FARP2: variants seen among roughly 807,000 people sequenced by gnomAD.
FARP2 encodes the protein FERM, ARH/RhoGEF and pleckstrin domain protein 2.
Under a neutral mutation model 130.5 loss-of-function variants are expected in FARP2, and 111 were observed. The observed-to-expected ratio is 0.85, with a 90% CI of 0.73 to 1.00. The LOEUF (loss-of-function observed/expected upper bound fraction) is 1.00, where lower values mean the gene tolerates loss of function less well. Ranked by LOEUF, FARP2 falls within the 50% of genes least tolerant of loss-of-function variation. The probability of loss-of-function intolerance (pLI) is 0.00; values close to 1 mark genes in which losing one functional copy is unlikely to be tolerated. For missense variants in FARP2, 1,385 were observed against 1,346.3 expected, an observed-to-expected ratio of 1.03 and a Z score of -0.45; for synonymous variants, 504 against 516.9, an observed-to-expected ratio of 0.98 and a Z score of 0.34.
rs533193274 is a variant in FARP2, at chr2:241,468,327, G to A, written c.2081G>A (p.Arg694His). 16 of 1,613,500 alleles carry A rather than the reference G, an allele frequency of 9.9e-6. No homozygotes were observed. Among genetic ancestry groups the A allele is most frequent in the South Asian group, 2.2e-5 (2 of 91,086 alleles). Residue 694 changes from arginine (R) to histidine (H), a missense_variant, in exon 18 of 27, where the codon CGC becomes CAC. Coordinates refer to ENST00000264042, the MANE Select transcript of FARP2 (RefSeq NM_014808.4). ...CTGCACTACCGCCTGCTGCTGCGCC[G>A]CCTATGCGGACATTACAGCCCCGGG... is the stretch of plus-strand genomic sequence containing the variant. ...RLLHYRLLLR[R>H]LCGHYSPGHH...
chr2:241,403,058 G>A (rs1245480864), intron 2 of FARP2, among the ~76,000 whole-genome samples: 4 of 148,024 alleles, frequency 2.7e-5, no homozygotes, highest in Non-Finnish European at 6.0e-5. Context: ...GGGAGAGTCC[G>A]TTGCCCCACC....
chr2:241,408,609 T>A (rs1169622128), intron 5 of FARP2, among the ~76,000 whole-genome samples: 1 of 152,112 alleles, frequency 6.6e-6, no homozygotes, highest in Non-Finnish European at 1.5e-5. Flanking sequence ...AAGGTTTTTC[T>A]TTGTATTTTT....
chr2:241,402,851 TATATATATATATATATATATATATATA>T (rs2062212077), intron 2 of FARP2, among the ~76,000 whole-genome samples: 1 of 9,674 alleles, frequency 1.0e-4, no homozygotes, highest in African/African-American at 3.5e-4. Flanking sequence ...TATATATATA[TATATATATATATATATATATATATATA>T]TATTTTTTTT....
intron 2 of FARP2, among the ~76,000 whole-genome samples, chr2:241,384,684 A>T (rs1460602901): frequency 6.6e-6 from 1 of 152,162 alleles, no homozygotes; most frequent in African/African-American, 2.4e-5. Context: ...TGCTTTTTGC[A>T]TGTATTGATA....
intron 19 of FARP2, among the ~76,000 whole-genome samples, chr2:241,476,914 C>T (rs1187147745): frequency 6.6e-6 from 1 of 152,018 alleles, no homozygotes; most frequent in Non-Finnish European, 1.5e-5. Context: ...TCTCAGGAGA[C>T]TCTGTTCTGA....
In FARP2 at chr2:241,412,693, A is replaced by G. The variant is rs77006843; in HGVS notation, c.509-614A>G. 0.012 allele frequency among the ~76,000 whole-genome samples: 1,823 copies of G among 152,326 alleles called. 128 individuals carry two copies. In the East Asian group the frequency reaches 0.17, roughly 14 times the overall value. ...ATAAATAAAATACTTCAGCCTGATC[A>G]TGATAATCTTGAGACAATTTAGGTT... is the stretch of plus-strand genomic sequence containing the variant. On this transcript the variant is annotated intron_variant, in intron 6 of 26. Transcript: ENST00000264042.
chr2:241,421,586 A>G (rs754477406), intron 8 of FARP2, among the ~76,000 whole-genome samples: 2 of 152,180 alleles, frequency 1.3e-5, no homozygotes, highest in African/African-American at 4.8e-5. Flanking sequence ...GTTCCCCCAC[A>G]TGCAGCATAC....
intron 8 of FARP2, among the ~76,000 whole-genome samples, chr2:241,429,315 T>C (rs1000200228): frequency 6.6e-6 from 1 of 152,192 alleles, no homozygotes; most frequent in African/African-American, 2.4e-5. Context: ...ATTATGTCTC[T>C]CTGGTCTCTG....
intron 1 of FARP2, among the ~76,000 whole-genome samples, chr2:241,367,867 TGGCA>T (rs1228608527): frequency 2.6e-4 from 40 of 150,958 alleles, no homozygotes; most frequent in African/African-American, 9.6e-4. Context: ...ATTTGTTCCT[TGGCA>T]GGCCTTTTTT....
intron 6 of FARP2, 29 bp from the exon 7 acceptor site, chr2:241,413,278 A>C: frequency 7.3e-7 from 1 of 1,370,880 alleles, no homozygotes; most frequent in East Asian, 2.4e-5. Context: ...TTATTTAAAA[A>C]TTAGTTACTT....
chr2:241,392,975 T>C (rs2061944092), intron 2 of FARP2, among the ~76,000 whole-genome samples: 1 of 151,826 alleles, frequency 6.6e-6, no homozygotes, highest in Non-Finnish European at 1.5e-5. Context: ...AAGTAGCAGT[T>C]AACATCTTTT....
intron 2 of FARP2, among the ~76,000 whole-genome samples, chr2:241,391,407 C>G (rs1205458627): frequency 6.6e-6 from 1 of 152,114 alleles, no homozygotes; most frequent in Non-Finnish European, 1.5e-5. Flanking sequence ...CTTGATGTGC[C>G]CTTGCCCAGG....
intron 24 of FARP2, 116 bp downstream of exon 24, chr2:241,491,795 G>A: frequency 2.0e-6 from 2 of 1,002,638 alleles, no homozygotes; most frequent in Non-Finnish European, 2.8e-6. Context: ...GGCCCCAGAG[G>A]ACTGCCTCTT....
At chr2:241,445,244 CAA>C (rs35639773) in intron 13 of FARP2, 24 of 103,200 alleles carry the variant, frequency 2.3e-4, no homozygotes, top group Admixed American at 4.6e-4. Context: ...GGCCCTGTCT[CAA>C]AAAAAAAAAA....
chr2:241,435,848 A>G (rs2063213942), intron 11 of FARP2, among the ~76,000 whole-genome samples: 1 of 146,968 alleles, frequency 6.8e-6, no homozygotes, highest in Admixed American at 6.9e-5. Context: ...ACACATAGAG[A>G]TATTTTTAGT....
At chr2:241,479,120 G>A in intron 19 of FARP2, 1 of 436,744 alleles carries the variant, frequency 2.3e-6, no homozygotes, top group Non-Finnish European at 4.1e-6. Context: ...ATCTGGGTGT[G>A]AATCCTTTTG....
intron 2 of FARP2, among the ~76,000 whole-genome samples, chr2:241,400,798 A>C (rs1201528303): frequency 2.0e-5 from 3 of 152,224 alleles, no homozygotes. Context: ...AAGTGTGGAC[A>C]GACAGTATGG....
chr2:241,368,488 C>T (rs773507547), intron 1 of FARP2, among the ~76,000 whole-genome samples: 3 of 152,062 alleles, frequency 2.0e-5, no homozygotes, highest in Non-Finnish European at 2.9e-5. Context: ...TGTTTATAAG[C>T]GCACAAAGCA....
Position 241,475,804 on chromosome 2 carries a change from GT to G in FARP2, c.2132-52del, listed in dbSNP as rs966491890. The stretch of plus-strand genomic sequence containing the variant: ...CCTGTCACAAGGTGGTGGGTGGAGG[GT>G]GCTGTGCACACCACTGCCTGTACAC... On this transcript the variant is annotated intron_variant, in intron 18 of 26. Coordinates refer to ENST00000264042, the MANE Select transcript of FARP2 (RefSeq NM_014808.4). The surrounding 1 kb of genome is among the most constrained non-coding windows in gnomAD (Gnocchi z 4.4). 4 of 1,494,334 alleles carry G rather than the reference GT, an allele frequency of 2.7e-6. No homozygotes were observed. The African/African-American group carries it at 5.7e-5, about 21-fold the overall frequency. 92.6% of individuals were successfully genotyped at this position (1,494,334 alleles called of 1,614,324 possible). A position where few individuals can be genotyped will look rare whatever the true frequency, so the allele number is the denominator to read the frequency against.
Sources: gnomAD v4.1 joint callset for allele counts (sites outside exome capture counted in the v4.1 genomes callset) on GRCh38, gnomAD v4.1.1 for gene constraint, Gnocchi (gnomAD v3.1) non-coding constraint, MANE v1.5 for transcripts, NCBI Gene and HGNC (gene_info 2026-07-23, HGNC 2026-07-21) for gene names.